The following FLRT2 variants were observed in gnomAD, a reference collection of about 807,000 sequenced individuals.
FLRT2 encodes the protein leucine-rich repeat transmembrane protein FLRT2.
In FLRT2, 15 loss-of-function variants were observed where a neutral mutation model predicts 40.0. The ratio of observed to expected loss-of-function variants is 0.38; its 90% CI spans 0.25 to 0.58. The LOEUF (loss-of-function observed/expected upper bound fraction) is 0.58. Ranked by LOEUF, FLRT2 falls within the 20% of genes least tolerant of loss-of-function variation. The pLI, the probability that FLRT2 is intolerant of heterozygous loss-of-function variation, is 0.71. For missense variants in FLRT2, 726 were observed against 840.0 expected (o/e 0.86, Z 1.68); for synonymous variants, 380 against 336.8 (o/e 1.13, Z -1.41).
intron 1 of FLRT2, among the ~76,000 whole-genome samples, chr14:85,600,638 T>C (rs2094518540): frequency 6.6e-6 from 1 of 152,230 alleles, no homozygotes. Flanking sequence ...TTTTCTATTA[T>C]GAAATTATAT....
At chr14:85,543,224 C>T (rs1889081597) in intron 1 of FLRT2, among the ~76,000 whole-genome samples, 1 of 152,146 alleles carries the variant, frequency 6.6e-6, no homozygotes, top group South Asian at 2.1e-4. Flanking sequence ...TTCTTGAAAG[C>T]TCCCATTATT....
At position 85,635,647 on chromosome 14, in the gene FLRT2, A is replaced by C. The variant is rs984353549; in HGVS notation, c.*12150A>C. 6.6e-6 allele frequency: 1 copy of C among 152,104 alleles called. No homozygotes were observed. Among genetic ancestry groups the C allele is most frequent in the Non-Finnish European group, 1.5e-5 (1 of 67,960 alleles). 9.4% of individuals were successfully genotyped at this position (152,104 alleles called of 1,614,324 possible). A position where few individuals can be genotyped will look rare whatever the true frequency, so the allele number is the denominator to read the frequency against. ...ATAAATGTGGTTTATTTTTGATGGA[A>C]TAGAACAGATTTTAACCCTGATCCC... is the stretch of plus-strand genomic sequence containing the variant. On this transcript the variant is annotated 3_prime_UTR_variant, in exon 2 of 2. Coordinates refer to ENST00000330753, the MANE Select transcript of FLRT2 (RefSeq NM_013231.6).
intron 1 of FLRT2, among the ~76,000 whole-genome samples, chr14:85,593,211 T>C (rs1456989134): frequency 6.6e-6 from 1 of 152,206 alleles, no homozygotes; most frequent in Non-Finnish European, 1.5e-5. Context: ...TTTTCCTAGA[T>C]TAACTTTTAA....
At chr14:85,530,985 A>T (rs1888236382) in intron 1 of FLRT2, among the ~76,000 whole-genome samples, 1 of 152,198 alleles carries the variant, frequency 6.6e-6, no homozygotes, top group South Asian at 2.1e-4. Flanking sequence ...TAAAGACACC[A>T]ACCTACTACC....
intron 1 of FLRT2, among the ~76,000 whole-genome samples, chr14:85,547,569 G>A (rs566714455): frequency 2.2e-4 from 33 of 152,172 alleles, no homozygotes; most frequent in South Asian, 1.7e-3. Context: ...TGATCCGCCC[G>A]CCTTGACCTC....
chr14:85,531,665 C>T (rs1287527710), intron 1 of FLRT2, among the ~76,000 whole-genome samples: 1 of 152,162 alleles, frequency 6.6e-6, no homozygotes, highest in Non-Finnish European at 1.5e-5. Context: ...CTTCTGGAAC[C>T]TCCCAGCAAG....
intron 1 of FLRT2, among the ~76,000 whole-genome samples, chr14:85,544,413 G>A (rs1889159518): frequency 6.6e-6 from 1 of 152,206 alleles, no homozygotes; most frequent in African/African-American, 2.4e-5. Flanking sequence ...TTAACTTTGT[G>A]TATCTGTCTT....
At chr14:85,590,536 T>C (rs539995193) in intron 1 of FLRT2, among the ~76,000 whole-genome samples, 7 of 152,320 alleles carry the variant, frequency 4.6e-5, no homozygotes, top group Admixed American at 1.3e-4. Flanking sequence ...GGCAGTAGTA[T>C]TTGCACAGTA....
intron 1 of FLRT2, among the ~76,000 whole-genome samples, chr14:85,585,406 G>A (rs1891571582): frequency 1.3e-5 from 2 of 151,952 alleles, no homozygotes; most frequent in South Asian, 2.1e-4. Flanking sequence ...CATTTGATGG[G>A]GCCCAGCAGT....
intron 1 of FLRT2, among the ~76,000 whole-genome samples, chr14:85,575,138 G>A (rs1261674277): frequency 6.6e-6 from 1 of 152,082 alleles, no homozygotes; most frequent in Admixed American, 6.6e-5. Flanking sequence ...GATTTTCTAG[G>A]CCCCTAATAG....
intron 1 of FLRT2, among the ~76,000 whole-genome samples, chr14:85,593,995 T>C (rs906737237): frequency 6.6e-6 from 1 of 152,038 alleles, no homozygotes; most frequent in Non-Finnish European, 1.5e-5. Context: ...TGAGCCGAGA[T>C]CATGCCACTG....
chr14:85,608,800 A>C (rs1439194921), intron 1 of FLRT2, among the ~76,000 whole-genome samples: 1 of 152,178 alleles, frequency 6.6e-6, no homozygotes. Flanking sequence ...CACTGCCCTC[A>C]ACAGGCCCAC....
rs777746741 is a variant in FLRT2 at position 85,622,040 on chromosome 14, G to T, written c.526G>T (p.Val176Phe). Residue 176 changes from valine to phenylalanine, a missense_variant, in exon 2 of 2, where the codon GTT becomes TTT. By Grantham distance (50) the Val-to-Phe change is conservative. This residue lies in a region of FLRT2 where 611 missense variants were observed against 690.0 expected (regional missense o/e 0.89). Transcript: ENST00000330753. ...LSKNHLSSVP[V>F]GLPVDLQELR... ...TAAGAATCACCTGAGCAGTGTGCCT[G>T]TTGGGCTTCCTGTGGACTTGCAAGA... 3 of 1,613,836 alleles carry T rather than the reference G, an allele frequency of 1.9e-6. No individual in the cohort carries two copies. Among genetic ancestry groups the T allele is most frequent in the Middle Eastern group, 1.7e-4 (1 of 6,058 alleles).
In FLRT2 at chr14:85,647,591, A is replaced by G. The variant is rs910575508; in HGVS notation, c.*24094A>G. On this transcript the variant is annotated 3_prime_UTR_variant, in exon 2 of 2. Coordinates refer to ENST00000330753, the MANE Select transcript of FLRT2 (RefSeq NM_013231.6). ...TGCCACTGAATAATTTGGTCTTTCC[A>G]TGCCTATAAGCAAAGAAGTTACGTG... The G allele has an allele frequency of 1.1e-4, 17 of 152,320 alleles. No individual in the cohort carries two copies. Among genetic ancestry groups the G allele is most frequent in the African/African-American group, 4.1e-4 (17 of 41,588 alleles). The allele number at this position is 152,320 out of a possible 1,614,324, so 9.4% of individuals were successfully genotyped here.
intron 1 of FLRT2, among the ~76,000 whole-genome samples, chr14:85,595,035 T>G (rs1892072154): frequency 6.6e-6 from 1 of 152,074 alleles, no homozygotes; most frequent in Non-Finnish European, 1.5e-5. Flanking sequence ...TTCTTCACAT[T>G]AATAGGCTGA....
Position 85,631,869 on chromosome 14 carries a change from A to G in FLRT2, c.*8372A>G, listed in dbSNP as rs1227958279. On this transcript the variant is annotated 3_prime_UTR_variant, in exon 2 of 2. Transcript: ENST00000330753. ...TGAGTTGGAGTCTCACTCTGTCACC[A>G]GATTGGAGTGCAGTGGCACAAGCTC... 6.6e-6 allele frequency: 1 copy of G among 152,010 alleles called. No individual in the cohort carries two copies. The highest frequency in any genetic ancestry group is 2.4e-5 in the African/African-American group (1 of 41,388). The allele number at this position is 152,010 out of a possible 1,614,324, so 9.4% of individuals were successfully genotyped here.
At chr14:85,557,119 T>C (rs1239228729) in intron 1 of FLRT2, among the ~76,000 whole-genome samples, 1 of 152,152 alleles carries the variant, frequency 6.6e-6, no homozygotes, top group Non-Finnish European at 1.5e-5. Context: ...ATGGGAATTA[T>C]GGGAATATGA....
chr14:85,614,615 G>T (rs975436026), intron 1 of FLRT2, among the ~76,000 whole-genome samples: 1 of 152,128 alleles, frequency 6.6e-6, no homozygotes, highest in Non-Finnish European at 1.5e-5. Flanking sequence ...GCCCCACTTG[G>T]GAAAGTTGAC....
intron 1 of FLRT2, among the ~76,000 whole-genome samples, chr14:85,596,227 C>A (rs754048101): frequency 6.6e-5 from 10 of 152,220 alleles, no homozygotes; most frequent in Non-Finnish European, 1.2e-4. Flanking sequence ...CACACGTTAT[C>A]TTCTCTTCCA....
Sources: gnomAD v4.1 joint callset for allele counts (sites outside exome capture counted in the v4.1 genomes callset) on GRCh38, gnomAD v4.1.1 for gene constraint, gnomAD v4.1.1 regional missense constraint, MANE v1.5 for transcripts, NCBI Gene and HGNC (gene_info 2026-07-23, HGNC 2026-07-21) for gene names.